MRTFB: variants seen among roughly 807,000 people sequenced by gnomAD.
The protein encoded by MRTFB is myocardin-related transcription factor B.
A neutral mutation model predicts 104.2 loss-of-function variants in MRTFB; 29 were observed. The ratio of observed to expected loss-of-function variants is 0.28; its 90% CI spans 0.21 to 0.38. The LOEUF is 0.38. MRTFB is among the 10% of genes least tolerant of loss of function. MRTFB has a pLI of 1.00. For synonymous variants in MRTFB, 535 were observed against 519.5 expected (o/e 1.03, Z -0.41); for missense variants, 1,270 against 1,341.6 (o/e 0.95, Z 0.83).
the MRTFB span, among the ~76,000 whole-genome samples, chr16:14,059,818 GC>G: frequency 6.6e-6 from 1 of 151,996 alleles, no homozygotes; most frequent in Non-Finnish European, 1.5e-5. Flanking sequence ...GAAGACAAGA[GC>G]TAAAGCTGGA....
chr16:14,037,550 T>G, the MRTFB span, among the ~76,000 whole-genome samples: 1 of 152,186 alleles, frequency 6.6e-6, no homozygotes, highest in Non-Finnish European at 1.5e-5. Flanking sequence ...TATAACTTTG[T>G]GTTTTGAAAG....
chr16:14,248,709 G>T, intron 12 of MRTFB: 1 of 446,514 alleles, frequency 2.2e-6, no homozygotes, highest in South Asian at 3.7e-5. Flanking sequence ...AGCTACTTAG[G>T]AATAATAAGA....
intron 3 of MRTFB, among the ~76,000 whole-genome samples, chr16:14,168,217 A>ATGTG (rs61205256): frequency 0.019 from 2,750 of 148,088 alleles, 57 homozygotes; most frequent in East Asian, 0.08. Flanking sequence ...TAAAGATAAA[A>ATGTG]TGTGTGTGTG....
In MRTFB at chr16:14,077,172, G is replaced by A. The variant is rs181514455; in HGVS notation, c.-128-2118G>A. 2.0e-5 allele frequency among the ~76,000 whole-genome samples: 3 copies of A among 152,176 alleles called. No individual in the cohort carries two copies. The East Asian group carries it at 5.8e-4, about 29-fold the overall frequency. ...ATCTCTTATGGTATCTGGATTTTAC[G>A]TCAAAGGCCTCCACGATTTCTGGAA... On this transcript the variant is annotated intron_variant, in intron 1 of 16. Coordinates refer to ENST00000571589, the MANE Select transcript of MRTFB (RefSeq NM_001308142.2).
intron 6 of MRTFB, chr16:14,214,875 G>A (rs2041350118): frequency 6.6e-6 from 1 of 152,170 alleles, no homozygotes; most frequent in Non-Finnish European, 1.5e-5. Flanking sequence ...CATTCCAGGG[G>A]CAGGAGGTGA....
At chr16:14,038,884 G>A in the MRTFB span, among the ~76,000 whole-genome samples, 1 of 152,086 alleles carries the variant, frequency 6.6e-6, no homozygotes, top group Non-Finnish European at 1.5e-5. Context: ...CATGGCAGAA[G>A]GCAAAAGGCA....
intron 8 of MRTFB, 92 bp from the exon 9 acceptor site, chr16:14,234,054 T>G: frequency 6.6e-7 from 1 of 1,504,680 alleles, no homozygotes; most frequent in Non-Finnish European, 9.0e-7. Flanking sequence ...TCTAGTGGGC[T>G]TAAAAACCAG....
At chr16:14,029,650 G>A in the MRTFB span, among the ~76,000 whole-genome samples, 3 of 151,716 alleles carry the variant, frequency 2.0e-5, no homozygotes, top group Non-Finnish European at 2.9e-5. Flanking sequence ...TGTCTTCATC[G>A]TCACTGTGTA....
At chr16:14,006,823 C>T in the MRTFB span, among the ~76,000 whole-genome samples, 1 of 152,078 alleles carries the variant, frequency 6.6e-6, no homozygotes, top group African/African-American at 2.4e-5. Flanking sequence ...CAAGACCAGC[C>T]TGGGCAACAT....
rs889196029 is a variant in MRTFB, at chr16:14,258,524, G to C, written c.2764+363G>C. ...GTAGGAAGATTGCTTGAGCCCAGGA[G>C]GTCAAGGCTGCAGTGAACTGTGATA... On this transcript the variant is annotated intron_variant, in intron 16 of 16. Transcript: ENST00000571589. Among the ~76,000 whole-genome samples, 9 of 152,322 alleles carry C rather than the reference G, an allele frequency of 5.9e-5. No individual in the cohort carries two copies. The Middle Eastern group carries it at 0.014, about 230-fold the overall frequency.
the MRTFB span, among the ~76,000 whole-genome samples, chr16:14,062,074 A>ATTTTGTTTTG: frequency 1.0e-4 from 15 of 150,648 alleles, no homozygotes; most frequent in East Asian, 1.2e-3. Context: ...AAGGACCCAG[A>ATTTTGTTTTG]TTTTGTTTTG....
intron 3 of MRTFB, chr16:14,200,668 G>A (rs1597231226): frequency 6.4e-7 from 1 of 1,554,242 alleles, no homozygotes; most frequent in East Asian, 2.2e-5. Flanking sequence ...GCCACTGGGT[G>A]TTTGAATCTA....
chr16:14,165,318 T>C (rs899357994), intron 3 of MRTFB, among the ~76,000 whole-genome samples: 1 of 152,164 alleles, frequency 6.6e-6, no homozygotes, highest in Non-Finnish European at 1.5e-5. Flanking sequence ...AGGCTGTTAA[T>C]TGATCTGTTC....
At chr16:14,166,212 CTTTTCTTT>C (rs2039232780) in intron 3 of MRTFB, among the ~76,000 whole-genome samples, 3 of 97,502 alleles carry the variant, frequency 3.1e-5, no homozygotes, top group African/African-American at 1.5e-4. Flanking sequence ...TGTGGGTTTT[CTTTTCTTT>C]TTTTTTTTTT....
chr16:14,238,464 A>G (rs2042620729), intron 9 of MRTFB, among the ~76,000 whole-genome samples: 1 of 152,124 alleles, frequency 6.6e-6, no homozygotes, highest in Admixed American at 6.6e-5. Flanking sequence ...GGCATCCTGG[A>G]TGGAGTGAAT....
the MRTFB span, among the ~76,000 whole-genome samples, chr16:14,060,372 A>G: frequency 3.3e-5 from 5 of 152,318 alleles, no homozygotes; most frequent in Non-Finnish European, 5.9e-5. Context: ...TGGGTCACAC[A>G]GTTGATGAAT....
chr16:14,111,785 T>C (rs1346282603), intron 2 of MRTFB, among the ~76,000 whole-genome samples: 1 of 152,186 alleles, frequency 6.6e-6, no homozygotes, highest in African/African-American at 2.4e-5. Context: ...TTCTCGGTCC[T>C]CTGGCGCCTC....
the MRTFB span, among the ~76,000 whole-genome samples, chr16:14,062,050 T>A: frequency 6.6e-6 from 1 of 152,046 alleles, no homozygotes; most frequent in Non-Finnish European, 1.5e-5. Flanking sequence ...GTCCAGCAGC[T>A]TGGTGATGTC....
chr16:14,201,479 C>A (rs2151113424), intron 3 of MRTFB, among the ~76,000 whole-genome samples: 1 of 152,274 alleles, frequency 6.6e-6, no homozygotes, highest in East Asian at 1.9e-4. Flanking sequence ...TTAATATGTA[C>A]TTCCTGGGGA....
Sources: gnomAD v4.1 joint callset for allele counts (sites outside exome capture counted in the v4.1 genomes callset) on GRCh38, gnomAD v4.1.1 for gene constraint, MANE v1.5 for transcripts, NCBI Gene and HGNC (gene_info 2026-07-23, HGNC 2026-07-21) for gene names.